Variants in C1GALT1 observed in about 807,000 individuals in gnomAD.
C1GALT1 encodes glycoprotein-N-acetylgalactosamine 3-beta-galactosyltransferase 1.
In C1GALT1, 11 loss-of-function variants were observed where a neutral mutation model predicts 31.0. That is an observed-to-expected ratio of 0.36 (90% CI 0.22 to 0.59). The LOEUF is 0.59. Ranked by LOEUF, C1GALT1 falls within the 20% of genes least tolerant of loss-of-function variation. The pLI, the probability that C1GALT1 is intolerant of heterozygous loss-of-function variation, is 0.79. For synonymous variants in C1GALT1, 175 were observed against 143.6 expected (o/e 1.22, Z -1.56); for missense variants, 424 against 425.2 (o/e 1.00, Z 0.03).
chr7:7,190,408 C>G lies in C1GALT1; in HGVS notation c.-18+7588C>G, dbSNP rs148202587. ...GAGGTTGCTTCTGTTTCATAATGATCTACCATCAGTGCGAGAGTGGGATGT... is the reference window on the plus strand; with the variant it reads ...GAGGTTGCTTCTGTTTCATAATGATGTACCATCAGTGCGAGAGTGGGATGT... On this transcript the variant is annotated intron_variant, in intron 1 of 3. Coordinates refer to ENST00000436587, the MANE Select transcript of C1GALT1 (RefSeq NM_020156.5). Among the ~76,000 whole-genome samples the G allele has an allele frequency of 7.2e-3, 1,094 of 152,176 alleles. 8 individuals carry two copies. The highest frequency in any genetic ancestry group is 0.012 in the Non-Finnish European group (841 of 67,992).
chr7:7,210,733 G>A (rs191751275), intron 1 of C1GALT1, among the ~76,000 whole-genome samples: 1 of 152,048 alleles, frequency 6.6e-6, no homozygotes, highest in Non-Finnish European at 1.5e-5. Flanking sequence ...TTCTACGCTC[G>A]TCGGGATTCC....
intron 1 of C1GALT1, among the ~76,000 whole-genome samples, chr7:7,209,186 CTT>C (rs1781883161): frequency 6.6e-6 from 1 of 152,104 alleles, no homozygotes; most frequent in Non-Finnish European, 1.5e-5. Context: ...TTTTGTTATT[CTT>C]TGTTACTTAT....
rs188083215 is a variant in C1GALT1 at position 7,195,390 on chromosome 7, C to G, written c.-18+12570C>G. ...GTTGTGTCACTTTTATCATTCAGTT[C>G]AAAGGATTTTTAAATTTCCACCTTG... On this transcript the variant is annotated intron_variant, in intron 1 of 3. Coordinates refer to ENST00000436587, the MANE Select transcript of C1GALT1 (RefSeq NM_020156.5). Among the ~76,000 whole-genome samples the G allele has an allele frequency of 2.6e-5, 4 of 152,254 alleles. No homozygotes were observed. The East Asian group carries it at 7.7e-4, about 29-fold the overall frequency.
upstream of C1GALT1, among the ~76,000 whole-genome samples, chr7:7,181,148 C>G (rs1780575072): frequency 2.9e-5 from 4 of 137,620 alleles, no homozygotes. Flanking sequence ...AACACTGACC[C>G]CTGAAAGAGT....
chr7:7,191,279 G>A (rs909139210), intron 1 of C1GALT1, among the ~76,000 whole-genome samples: 6 of 152,208 alleles, frequency 3.9e-5, no homozygotes, highest in Admixed American at 1.3e-4. Context: ...TTAGCAAAAT[G>A]TCCTCAAGAT....
chr7:7,217,264 G>T (rs1583798138), intron 1 of C1GALT1, among the ~76,000 whole-genome samples: 1 of 152,230 alleles, frequency 6.6e-6, no homozygotes, highest in African/African-American at 2.4e-5. Flanking sequence ...AGGCCAGAAA[G>T]AAGAAAGAAG....
At chr7:7,195,752 G>T (rs1781258452) in intron 1 of C1GALT1, among the ~76,000 whole-genome samples, 1 of 152,132 alleles carries the variant, frequency 6.6e-6, no homozygotes, top group Admixed American at 6.5e-5. Flanking sequence ...GACTTGTCTA[G>T]TGCCGTCAGT....
chr7:7,243,528 C>G lies in C1GALT1; in HGVS notation c.893C>G (p.Pro298Arg). 3 of 1,593,472 alleles carry G rather than the reference C, an allele frequency of 1.9e-6. No individual in the cohort carries two copies. Among genetic ancestry groups the G allele is most frequent in the Non-Finnish European group, 2.6e-6 (3 of 1,173,176 alleles). ...NYNYYPPVEG[P>R]GCCSDLAVSF... The stretch of plus-strand genomic sequence containing the variant: ...CTGTTTCCACTACTTTTTTAGGGTC[C>G]TGGTTGCTGCTCTGATCTTGCAGTT... The change falls in exon 4 of 4, where the codon CCT (proline) becomes CGT (arginine). Residue 298 changes from proline to arginine, a missense_variant. By Grantham distance (103) the Pro-to-Arg change is moderately radical. This residue lies in a region of C1GALT1 where 191 missense variants were observed against 188.8 expected (regional missense o/e 1.01). Transcript: ENST00000436587.
chr7:7,229,048 C>T (rs965527084), intron 1 of C1GALT1, among the ~76,000 whole-genome samples: 1 of 123,448 alleles, frequency 8.1e-6, no homozygotes, highest in African/African-American at 3.5e-5. Context: ...TTCAGATATC[C>T]ATATGATGAT....
chr7:7,239,324 T>G (rs745718586), intron 3 of C1GALT1, among the ~76,000 whole-genome samples: 2 of 151,842 alleles, frequency 1.3e-5, no homozygotes, highest in Non-Finnish European at 2.9e-5. Flanking sequence ...TGGGATGGAG[T>G]CCTCTGGTTT....
intron 1 of C1GALT1, among the ~76,000 whole-genome samples, chr7:7,192,944 G>C (rs1781136010): frequency 6.6e-6 from 1 of 151,968 alleles, no homozygotes; most frequent in East Asian, 1.9e-4. Flanking sequence ...TTGAACACTT[G>C]TATATCTTCT....
At chr7:7,222,209 G>C (rs1782541326) in intron 1 of C1GALT1, among the ~76,000 whole-genome samples, 1 of 152,122 alleles carries the variant, frequency 6.6e-6, no homozygotes, top group African/African-American at 2.4e-5. Context: ...AGTGAAATCA[G>C]ACTGAAGTTT....
At chr7:7,239,934 A>ATAACTG (rs1199953668) in intron 3 of C1GALT1, among the ~76,000 whole-genome samples, 1 of 152,236 alleles carries the variant, frequency 6.6e-6, no homozygotes, top group Non-Finnish European at 1.5e-5. Context: ...GCTTCAGTGA[A>ATAACTG]TAACTGAATG....
At chr7:7,232,494 TTTG>T (rs1371158857) in intron 1 of C1GALT1, among the ~76,000 whole-genome samples, 1 of 94,916 alleles carries the variant, frequency 1.1e-5, no homozygotes, top group Non-Finnish European at 1.9e-5. Context: ...GTTTTTTTTT[TTTG>T]TTTTTTTTTT....
At chr7:7,223,810 A>T (rs941657039) in intron 1 of C1GALT1, among the ~76,000 whole-genome samples, 8 of 151,070 alleles carry the variant, frequency 5.3e-5, no homozygotes, top group Non-Finnish European at 1.0e-4. Context: ...ATATTGAGTA[A>T]GAGTGATGAG....
intron 1 of C1GALT1, among the ~76,000 whole-genome samples, chr7:7,232,799 C>A (rs546769760): frequency 3.0e-4 from 45 of 152,186 alleles, no homozygotes; most frequent in African/African-American, 1.0e-3. Flanking sequence ...CGGGCATGGG[C>A]TTTTTAAGCA....
chr7:7,176,326 G>T (rs906487031), intron 2 of C1GALT1, among the ~76,000 whole-genome samples: 2 of 152,100 alleles, frequency 1.3e-5, no homozygotes, highest in Non-Finnish European at 2.9e-5. Context: ...TACACAATTT[G>T]TAAGTCAATT....
chr7:7,158,533 T>G (rs73674667), intron 2 of C1GALT1, among the ~76,000 whole-genome samples: 4,990 of 151,638 alleles, frequency 0.033, 249 homozygotes, highest in East Asian at 0.23. Flanking sequence ...TGTAAACACT[T>G]AGTATGTTTT....
intron 2 of C1GALT1, among the ~76,000 whole-genome samples, chr7:7,167,616 T>C (rs1483622387): frequency 6.6e-6 from 1 of 151,982 alleles, no homozygotes; most frequent in Non-Finnish European, 1.5e-5. Context: ...TGATAATCAT[T>C]GAGAGGGTCT....
Sources: gnomAD v4.1 joint callset for allele counts (sites outside exome capture counted in the v4.1 genomes callset) on GRCh38, gnomAD v4.1.1 for gene constraint, gnomAD v4.1.1 regional missense constraint, MANE v1.5 for transcripts, NCBI Gene and HGNC (gene_info 2026-07-23, HGNC 2026-07-21) for gene names.